The following RSRC1 variants were observed in gnomAD, a reference collection of about 807,000 sequenced individuals.
RSRC1 encodes arginine and serine rich coiled-coil 1.
In RSRC1, 39 loss-of-function variants were observed where a neutral mutation model predicts 49.1. The observed-to-expected ratio is 0.79, with a 90% CI of 0.61 to 1.04. RSRC1 has a LOEUF of 1.04. Ranked by LOEUF, RSRC1 falls within the 50% of genes least tolerant of loss-of-function variation. The pLI, the probability that RSRC1 is intolerant of heterozygous loss-of-function variation, is 0.00. For missense variants in RSRC1, 388 were observed against 402.4 expected (o/e 0.96, Z 0.31); for synonymous variants, 143 against 130.8 (o/e 1.09, Z -0.63).
At chr3:158,284,252 A>G (rs1726367328) in intron 4 of RSRC1, among the ~76,000 whole-genome samples, 1 of 151,804 alleles carries the variant, frequency 6.6e-6, no homozygotes, top group African/African-American at 2.4e-5. Context: ...ATAGTATTCC[A>G]TGGTGTATAT....
intron 1 of RSRC1, among the ~76,000 whole-genome samples, chr3:158,120,698 T>C (rs1715197186): frequency 6.8e-6 from 1 of 147,516 alleles, no homozygotes; most frequent in Non-Finnish European, 1.5e-5. Context: ...TATATATATA[T>C]AAATATATTC....
intron 4 of RSRC1, among the ~76,000 whole-genome samples, chr3:158,262,090 C>T (rs1724930904): frequency 6.6e-6 from 1 of 152,002 alleles, no homozygotes; most frequent in Non-Finnish European, 1.5e-5. Flanking sequence ...TATGCCATAG[C>T]TTTTCTTTCA....
intron 1 of RSRC1, among the ~76,000 whole-genome samples, chr3:158,117,086 G>A (rs1714885659): frequency 6.6e-6 from 1 of 152,112 alleles, no homozygotes; most frequent in Non-Finnish European, 1.5e-5. Context: ...ATTCTAGGTT[G>A]AGATTCATTT....
At chr3:158,277,224 A>G (rs1199955189) in intron 4 of RSRC1, among the ~76,000 whole-genome samples, 1 of 152,196 alleles carries the variant, frequency 6.6e-6, no homozygotes, top group African/African-American at 2.4e-5. Context: ...TTACTTGATT[A>G]GGGTTCTAAA....
chr3:158,364,077 G>T (rs749050577), intron 6 of RSRC1, among the ~76,000 whole-genome samples: 2 of 152,150 alleles, frequency 1.3e-5, no homozygotes, highest in Non-Finnish European at 2.9e-5. Context: ...GTACCTGGAA[G>T]CCAAGTCCTG....
chr3:158,451,639 C>T (rs1158847215), intron 6 of RSRC1, among the ~76,000 whole-genome samples: 2 of 152,000 alleles, frequency 1.3e-5, no homozygotes, highest in Non-Finnish European at 2.9e-5. Flanking sequence ...TGTTTATTAT[C>T]TCAAAACACA....
chr3:158,385,980 ATGCT>A (rs1204038373), intron 6 of RSRC1, among the ~76,000 whole-genome samples: 3 of 152,134 alleles, frequency 2.0e-5, no homozygotes, highest in African/African-American at 4.8e-5. Context: ...CTTCTGATTA[ATGCT>A]TGCTGCAAGC....
intron 6 of RSRC1, among the ~76,000 whole-genome samples, chr3:158,412,799 A>G (rs1488576797): frequency 6.6e-6 from 1 of 152,086 alleles, no homozygotes; most frequent in Non-Finnish European, 1.5e-5. Flanking sequence ...CAAAAACTTT[A>G]AAAAGTTTCG....
chr3:158,235,382 C>T (rs1485938879), intron 4 of RSRC1, among the ~76,000 whole-genome samples: 4 of 152,056 alleles, frequency 2.6e-5, no homozygotes, highest in Admixed American at 2.6e-4. Flanking sequence ...GTTCAGTGGA[C>T]ATTAGTAGAA....
intron 5 of RSRC1, among the ~76,000 whole-genome samples, chr3:158,315,405 G>C (rs1430808651): frequency 6.6e-6 from 1 of 152,088 alleles, no homozygotes; most frequent in Non-Finnish European, 1.5e-5. Context: ...AATTATGGTG[G>C]AATTTTTGGT....
intron 6 of RSRC1, among the ~76,000 whole-genome samples, chr3:158,425,908 A>G (rs1000519916): frequency 3.3e-5 from 5 of 151,830 alleles, no homozygotes; most frequent in African/African-American, 1.2e-4. Flanking sequence ...TTATCCTACC[A>G]GATAATAAGA....
intron 3 of RSRC1, among the ~76,000 whole-genome samples, chr3:158,159,823 C>T (rs528634376): frequency 6.6e-6 from 1 of 151,984 alleles, no homozygotes; most frequent in African/African-American, 2.4e-5. Context: ...ATTTGACTTA[C>T]GAGCTACTAG....
rs554998622 is a variant in RSRC1 at position 158,134,784 on chromosome 3, T to C, written c.320+10793T>C. On this transcript the variant is annotated intron_variant, in intron 3 of 9. Transcript: ENST00000611884. Reference sequence around the variant, plus strand: ...GAAAAAGAGGTTCTTTGGAAAGGTATTCAATTAACTTTTAATTATATAGTC... The same window carrying C: ...GAAAAAGAGGTTCTTTGGAAAGGTACTCAATTAACTTTTAATTATATAGTC... Among the ~76,000 whole-genome samples, 3 of 152,356 alleles carry C rather than the reference T, an allele frequency of 2.0e-5. No homozygotes were observed. In the East Asian group the frequency reaches 5.8e-4, roughly 29 times the overall value.
chr3:158,121,526 AATG>A (rs1167533505), intron 1 of RSRC1, among the ~76,000 whole-genome samples: 2 of 152,178 alleles, frequency 1.3e-5, no homozygotes, highest in Non-Finnish European at 2.9e-5. Context: ...TCACAAGTGA[AATG>A]ATGATTATAG....
At chr3:158,352,480 T>A (rs1578376012) in intron 5 of RSRC1, among the ~76,000 whole-genome samples, 1 of 152,180 alleles carries the variant, frequency 6.6e-6, no homozygotes, top group East Asian at 1.9e-4. Flanking sequence ...TCTTAATTGT[T>A]AAAAAAATCT....
chr3:158,413,659 A>G (rs534347454), intron 6 of RSRC1, among the ~76,000 whole-genome samples: 12 of 151,772 alleles, frequency 7.9e-5, no homozygotes, highest in Admixed American at 4.6e-4. Flanking sequence ...AAAAAAGCCC[A>G]TTAAAAAGTG....
chr3:158,220,454 C>T (rs1722169072), intron 4 of RSRC1, among the ~76,000 whole-genome samples: 1 of 151,506 alleles, frequency 6.6e-6, no homozygotes, highest in African/African-American at 2.4e-5. Flanking sequence ...ACTTGAAAGC[C>T]TAAAACCATA....
At chr3:158,173,319 T>C (rs1718993842) in intron 3 of RSRC1, among the ~76,000 whole-genome samples, 1 of 152,000 alleles carries the variant, frequency 6.6e-6, no homozygotes. Flanking sequence ...CGTAACTCTA[T>C]AGAATCTGAT....
intron 5 of RSRC1, among the ~76,000 whole-genome samples, chr3:158,311,333 T>A (rs971660425): frequency 1.3e-5 from 2 of 151,942 alleles, no homozygotes; most frequent in Non-Finnish European, 2.9e-5. Context: ...TTTTCATTTA[T>A]TGGATGAATA....
Sources: allele counts gnomAD v4.1 joint callset (sites outside exome capture counted in the v4.1 genomes callset), GRCh38; gene constraint gnomAD v4.1.1; transcripts MANE v1.5; gene names NCBI Gene and HGNC (gene_info 2026-07-23, HGNC 2026-07-21).